Variants in GPHN observed in about 807,000 individuals in gnomAD.
The protein encoded by GPHN is gephyrin.
GPHN carries 17 observed loss-of-function variants against 95.5 expected under a neutral mutation model. The observed-to-expected ratio is 0.18, with a 90% CI of 0.12 to 0.27. The LOEUF (loss-of-function observed/expected upper bound fraction) is 0.27, where lower values mean the gene tolerates loss of function less well. Ranked by LOEUF, GPHN falls within the 10% of genes least tolerant of loss-of-function variation. The pLI, the probability that GPHN is intolerant of heterozygous loss-of-function variation, is 1.00. For missense variants in GPHN, 660 were observed against 978.1 expected (o/e 0.67, Z 4.34); for synonymous variants, 320 against 322.5 (o/e 0.99, Z 0.08).
chr14:67,639,449 A>G, the GPHN span, among the ~76,000 whole-genome samples: 1 of 152,182 alleles, frequency 6.6e-6, no homozygotes, highest in South Asian at 2.1e-4. Flanking sequence ...GCAATTACCA[A>G]AATATAAATT....
chr14:67,581,030 C>G, the GPHN span: 5 of 1,606,266 alleles, frequency 3.1e-6, no homozygotes, highest in African/African-American at 1.3e-5. Flanking sequence ...AGCTGATGTA[C>G]AAGAACAGGT....
the GPHN span, among the ~76,000 whole-genome samples, chr14:67,511,361 AC>A: frequency 5.9e-5 from 9 of 151,454 alleles, no homozygotes; most frequent in South Asian, 2.1e-4. Flanking sequence ...AAACAAAAAA[AC>A]AAAAAAAACT....
At chr14:67,275,997 T>G in the GPHN span, among the ~76,000 whole-genome samples, 1 of 152,160 alleles carries the variant, frequency 6.6e-6, no homozygotes, top group Non-Finnish European at 1.5e-5. Context: ...TGCATGTATT[T>G]GATTCTTCTC....
At chr14:66,607,439 A>G (rs1302917139) in intron 1 of GPHN, among the ~76,000 whole-genome samples, 1 of 149,220 alleles carries the variant, frequency 6.7e-6, no homozygotes, top group Non-Finnish European at 1.5e-5. Context: ...TTCATTTGGG[A>G]TATTGGCCTG....
At position 67,074,139 on chromosome 14, in the gene GPHN, T is replaced by C. The variant is rs142822774; in HGVS notation, c.1145-14844T>C. ...ATAAATAGCCGTGAAACTTTCCTTATGAATGTTATACATGCATACCTCACT... is the reference window on the plus strand; with the variant it reads ...ATAAATAGCCGTGAAACTTTCCTTACGAATGTTATACATGCATACCTCACT... On this transcript the variant is annotated intron_variant, in intron 11 of 22. Coordinates refer to ENST00000478722, the MANE Select transcript of GPHN (RefSeq NM_020806.5). 5.8e-4 allele frequency among the ~76,000 whole-genome samples: 88 copies of C among 152,212 alleles called. 2 individuals carry two copies. The highest frequency in any genetic ancestry group is 2.0e-3 in the African/African-American group (85 of 41,536).
At chr14:66,938,340 T>C (rs2067234628) in intron 8 of GPHN, among the ~76,000 whole-genome samples, 1 of 152,076 alleles carries the variant, frequency 6.6e-6, no homozygotes, top group African/African-American at 2.4e-5. Context: ...TACATATAGC[T>C]TAAAAAGAAG....
chr14:67,294,203 C>T, the GPHN span, among the ~76,000 whole-genome samples: 52 of 152,208 alleles, frequency 3.4e-4, no homozygotes, highest in African/African-American at 1.2e-3. Flanking sequence ...TTTGCTTTCA[C>T]GTCCTTAGAG....
chr14:67,627,625 G>T, the GPHN span, among the ~76,000 whole-genome samples: 1 of 152,226 alleles, frequency 6.6e-6, no homozygotes, highest in East Asian at 1.9e-4. Flanking sequence ...TTCTGCCTCT[G>T]CCATTCACAC....
the GPHN span, among the ~76,000 whole-genome samples, chr14:67,730,098 A>T: frequency 0.011 from 1,698 of 152,286 alleles, 40 homozygotes; most frequent in African/African-American, 0.039. Flanking sequence ...TGTGTTTGGT[A>T]CTCAGTTCTG....
chr14:67,729,217 C>T, the GPHN span: 1 of 1,612,302 alleles, frequency 6.2e-7, no homozygotes, highest in Non-Finnish European at 8.5e-7. Context: ...CTACGCAGTG[C>T]ACCCAGGCGT....
chr14:67,171,984 T>G (rs781339690), intron 21 of GPHN, among the ~76,000 whole-genome samples: 1 of 152,188 alleles, frequency 6.6e-6, no homozygotes, highest in Non-Finnish European at 1.5e-5. Context: ...AGGAACTGCC[T>G]GGAGTCCACA....
chr14:67,228,956 G>A, the GPHN span, among the ~76,000 whole-genome samples: 2 of 152,196 alleles, frequency 1.3e-5, no homozygotes, highest in Non-Finnish European at 2.9e-5. Context: ...CCCATCCAGA[G>A]AATGGTTTGA....
chr14:67,657,984 G>A, the GPHN span, among the ~76,000 whole-genome samples: 1 of 151,882 alleles, frequency 6.6e-6, no homozygotes, highest in African/African-American at 2.4e-5. Context: ...CCTGACCTCA[G>A]GTGATCCACC....
At chr14:67,637,148 A>G in the GPHN span, among the ~76,000 whole-genome samples, 1 of 152,086 alleles carries the variant, frequency 6.6e-6, no homozygotes, top group African/African-American at 2.4e-5. Flanking sequence ...GGTGGCTCAC[A>G]CCTGTAATCC....
the GPHN span, among the ~76,000 whole-genome samples, chr14:67,442,430 G>A: frequency 6.6e-6 from 1 of 152,066 alleles, no homozygotes; most frequent in African/African-American, 2.4e-5. Context: ...TAGAAAAATT[G>A]TGTGTGTGTG....
At chr14:66,536,312 A>C (rs1026191944) in intron 1 of GPHN, among the ~76,000 whole-genome samples, 2 of 152,200 alleles carry the variant, frequency 1.3e-5, no homozygotes, top group Admixed American at 1.3e-4. Flanking sequence ...TTTTGTTGAG[A>C]TAAATCATAT....
chr14:66,824,579 A>G lies in GPHN; in HGVS notation c.294+13A>G, dbSNP rs1376066957. 2 of 1,147,424 alleles carry G rather than the reference A, an allele frequency of 1.7e-6. No individual in the cohort carries two copies. The highest frequency in any genetic ancestry group is 1.2e-5 in the South Asian group (1 of 81,630). 71.1% of individuals were successfully genotyped at this position (1,147,424 alleles called of 1,614,324 possible). A position where few individuals can be genotyped will look rare whatever the true frequency, so the allele number is the denominator to read the frequency against. ...TGTCACTCCAGAGGTGAGATAGTAC[A>G]TGCCTTTTCATATTCAAGGATTAAA... is the stretch of plus-strand genomic sequence containing the variant. On this transcript the variant is annotated intron_variant, in intron 4 of 22. Transcript: ENST00000478722.
chr14:66,943,031 T>C (rs987424824), intron 8 of GPHN, among the ~76,000 whole-genome samples: 1 of 152,232 alleles, frequency 6.6e-6, no homozygotes, highest in African/African-American at 2.4e-5. Context: ...GAGTATCTTG[T>C]GCTTTCATTT....
At chr14:67,064,707 T>C (rs1351952788) in intron 11 of GPHN, among the ~76,000 whole-genome samples, 1 of 152,230 alleles carries the variant, frequency 6.6e-6, no homozygotes, top group Non-Finnish European at 1.5e-5. Flanking sequence ...CTAGATTTTT[T>C]AGTTTATTTG....
Sources: allele counts gnomAD v4.1 joint callset (sites outside exome capture counted in the v4.1 genomes callset), GRCh38; gene constraint gnomAD v4.1.1; transcripts MANE v1.5; gene names NCBI Gene and HGNC (gene_info 2026-07-23, HGNC 2026-07-21).